C10orf71: variants seen among roughly 807,000 people sequenced by gnomAD.
C10orf71 encodes the protein chromosome 10 open reading frame 71.
For missense variants in C10orf71, 1,869 were observed against 1,804.5 expected (o/e 1.04, Z -0.65); for synonymous variants, 758 against 726.3 (o/e 1.04, Z -0.70).
At position 49,322,497 on chromosome 10, in the gene C10orf71, A is replaced by G; in HGVS notation, c.-49A>G. ...AACACCTAACCTTGACAGAATCATC[A>G]CCAGAGACACCTGCCGGCTGACAAG... On this transcript the variant is annotated 5_prime_UTR_variant, in exon 3 of 3. Coordinates refer to ENST00000374144, the MANE Select transcript of C10orf71 (RefSeq NM_001135196.2). The G allele has an allele frequency of 6.6e-7, 1 of 1,526,252 alleles. No homozygotes were observed. The highest frequency in any genetic ancestry group is 1.3e-5 in the South Asian group (1 of 76,734). The allele number at this position is 1,526,252 out of a possible 1,614,324, so 94.5% of individuals were successfully genotyped here. A position where few individuals can be genotyped will look rare whatever the true frequency, so the allele number is the denominator to read the frequency against.
chr10:49,319,682 CTATATATATATATATATATA>C lies in C10orf71; in HGVS notation c.-144-2687_-144-2668del, dbSNP rs60174377. ...GTATATATATGTACACACACACAAG[CTATATATATATATATATATA>C]TATATATATATATATATATATATAT... On this transcript the variant is annotated intron_variant, in intron 2 of 2. Transcript: ENST00000374144. Among the ~76,000 whole-genome samples, 144 of 117,796 alleles carry C rather than the reference CTATATATATATATATATATA, an allele frequency of 1.2e-3. 1 individual carries two copies. The highest frequency in any genetic ancestry group is 3.6e-3 in the African/African-American group (98 of 27,320). 77.3% of individuals were successfully genotyped at this position (117,796 alleles called of 152,430 possible). A position where few individuals can be genotyped will look rare whatever the true frequency, so the allele number is the denominator to read the frequency against.
At chr10:49,309,928 T>A (rs995929768) in intron 1 of C10orf71, among the ~76,000 whole-genome samples, 2 of 152,206 alleles carry the variant, frequency 1.3e-5, no homozygotes, top group African/African-American at 4.8e-5. Context: ...CTGTTTCCCC[T>A]TCTCTAAGAA....
rs1478164835 is a variant in C10orf71, at chr10:49,324,520, G to C, written c.1975G>C (p.Ala659Pro). The change falls in exon 3 of 3, where the codon GCT becomes CCT. Residue 659 changes from alanine (A) to proline (P), a missense_variant. Physicochemically the swap from Ala to Pro is conservative, Grantham distance 27. Coordinates refer to ENST00000374144, the MANE Select transcript of C10orf71 (RefSeq NM_001135196.2). Reference sequence around the variant, plus strand: ...CAATAGGGATCCTGAGCCTGGAGGGGCTACAGAGAAAATGAAGACCCACCA... The same window carrying C: ...CAATAGGGATCCTGAGCCTGGAGGGCCTACAGAGAAAATGAAGACCCACCA... ...LCNRDPEPGG[A>P]TEKMKTHQLE... 6.2e-7 allele frequency: 1 copy of C among 1,612,774 alleles called. No individual in the cohort carries two copies. Among genetic ancestry groups the C allele is most frequent in the Non-Finnish European group, 8.5e-7 (1 of 1,179,306 alleles).
In C10orf71 at chr10:49,324,021, C is replaced by A. The variant is rs1849158905; in HGVS notation, c.1476C>A (p.Tyr492Ter). The A allele has an allele frequency of 6.2e-7, 1 of 1,613,504 alleles. No homozygotes were observed. Among genetic ancestry groups the A allele is most frequent in the Non-Finnish European group, 8.5e-7 (1 of 1,179,696 alleles). The change falls in exon 3 of 3, where the codon TAC becomes TAA. Residue 492 changes from tyrosine to a stop codon, truncating the protein, a stop_gained. Coordinates refer to ENST00000374144, the MANE Select transcript of C10orf71 (RefSeq NM_001135196.2). LOFTEE classifies it low-confidence loss of function (END_TRUNC). ...EPSECQSRDS[Y>*]KSKAPSLLFN... ...GTGAATGTCAGTCTCGAGACAGCTA[C>A]AAGTCCAAAGCCCCTAGCCTGCTGT...
At position 49,326,208 on chromosome 10, in the gene C10orf71, G is replaced by T. The variant is rs187004376; in HGVS notation, c.3663G>T (p.Pro1221=). 2.6e-6 allele frequency: 4 copies of T among 1,551,250 alleles called. No individual in the cohort carries two copies. Among genetic ancestry groups the T allele is most frequent in the African/African-American group, 2.7e-5 (2 of 73,156 alleles). Residue 1221 remains proline, a synonymous_variant, in exon 3 of 3, where the codon CCG becomes CCT. Coordinates refer to ENST00000374144, the MANE Select transcript of C10orf71 (RefSeq NM_001135196.2). ...ACTTGGAGCAGACACAGCAAAGGCC[G>T]CTGTGCCCCAGAGAGAGGCCCCGAC... ...PEDLEQTQQR[P]LCPRERPRHN...
intron 1 of C10orf71, among the ~76,000 whole-genome samples, chr10:49,301,283 A>C (rs1256015621): frequency 1.3e-5 from 2 of 152,164 alleles, no homozygotes; most frequent in Non-Finnish European, 2.9e-5. Context: ...GCTGGAGTGG[A>C]TTTTGGTTTT....
intron 1 of C10orf71, among the ~76,000 whole-genome samples, chr10:49,310,309 T>C (rs1005059243): frequency 2.6e-5 from 4 of 152,126 alleles, no homozygotes; most frequent in Admixed American, 6.6e-5. Context: ...AAACCCTCGT[T>C]TTCTCCCCCA....
chr10:49,312,680 G>T (rs1042834984), intron 1 of C10orf71, among the ~76,000 whole-genome samples: 2 of 152,124 alleles, frequency 1.3e-5, no homozygotes, highest in Admixed American at 6.5e-5. Context: ...TGACAGAAAC[G>T]CAATCCAGAC....
In C10orf71 at chr10:49,326,908, C is replaced by T; in HGVS notation, c.*55C>T. ...TGAACCCAGAGGAGCTTACTTCCCC[C>T]TCCCCCAAAACAAGCAACACACACA... On this transcript the variant is annotated 3_prime_UTR_variant, in exon 3 of 3. Coordinates refer to ENST00000374144, the MANE Select transcript of C10orf71 (RefSeq NM_001135196.2). 1 of 1,357,168 alleles carries T rather than the reference C, an allele frequency of 7.4e-7. No individual in the cohort carries two copies. The highest frequency in any genetic ancestry group is 2.2e-4 in the Middle Eastern group (1 of 4,566). 84.1% of individuals were successfully genotyped at this position (1,357,168 alleles called of 1,614,324 possible). A position where few individuals can be genotyped will look rare whatever the true frequency, so the allele number is the denominator to read the frequency against.
upstream of C10orf71, chr10:49,298,817 T>A (rs1328631640): frequency 6.6e-6 from 1 of 152,180 alleles, no homozygotes; most frequent in African/African-American, 2.4e-5. Flanking sequence ...ACTCGAGGAA[T>A]GCGGGCGGCG....
At chr10:49,319,682 CTATA>C (rs60174377) in intron 2 of C10orf71, among the ~76,000 whole-genome samples, 2,268 of 116,740 alleles carry the variant, frequency 0.019, 27 homozygotes, top group Non-Finnish European at 0.023. Flanking sequence ...CACACACAAG[CTATA>C]TATATATATA....
chr10:49,320,917 C>T lies in C10orf71; in HGVS notation c.-144-1485C>T, dbSNP rs1025140944. Reference sequence around the variant, plus strand: ...ATTTTATTGAGGTATGATTGGCATACAAAAAGCCACACATATTTAATGTGT... The same window carrying T: ...ATTTTATTGAGGTATGATTGGCATATAAAAAGCCACACATATTTAATGTGT... On this transcript the variant is annotated intron_variant, in intron 2 of 2. Transcript: ENST00000374144. 3.3e-5 allele frequency among the ~76,000 whole-genome samples: 5 copies of T among 152,018 alleles called. No individual in the cohort carries two copies. In the East Asian group the frequency reaches 7.7e-4, roughly 23 times the overall value.
At position 49,325,203 on chromosome 10, in the gene C10orf71, C is replaced by T; in HGVS notation, c.2658C>T (p.Ser886=). The change falls in exon 3 of 3, where the codon AGC becomes AGT. Residue 886 remains serine, a synonymous_variant. Transcript: ENST00000374144. ...LRTMSLEDSL[S]SGHKEEELPR... ...CCATGTCCTTGGAGGACTCCCTCAGCAGTGGCCACAAAGAGGAGGAATTGC... is the reference window on the plus strand; with the variant it reads ...CCATGTCCTTGGAGGACTCCCTCAGTAGTGGCCACAAAGAGGAGGAATTGC... 1 of 1,552,038 alleles carries T rather than the reference C, an allele frequency of 6.4e-7. No homozygotes were observed. Among genetic ancestry groups the T allele is most frequent in the Non-Finnish European group, 8.7e-7 (1 of 1,147,070 alleles).
At chr10:49,318,666 A>G (rs889673556) in intron 2 of C10orf71, among the ~76,000 whole-genome samples, 2 of 152,216 alleles carry the variant, frequency 1.3e-5, no homozygotes, top group East Asian at 1.9e-4. Context: ...ACAGACCCCA[A>G]TGAAGCCTGG....
rs776134689 is a variant in C10orf71, at chr10:49,324,468, C to T, written c.1923C>T (p.Pro641=). 6.2e-7 allele frequency: 1 copy of T among 1,607,622 alleles called. No individual in the cohort carries two copies. The highest frequency in any genetic ancestry group is 2.2e-5 in the East Asian group (1 of 44,690). ...GTCCAGACTCCAGGGAACACCGCCC[C>T]AGGAAACACCTCTCCCTGAGGCTTT... The part of the protein sequence containing the change: ...SWCPDSREHR[P]RKHLSLRLCN... The change falls in exon 3 of 3, where the codon CCC becomes CCT. Residue 641 remains proline, a synonymous_variant. Transcript: ENST00000374144.
chr10:49,322,354 T>G, intron 2 of C10orf71, 48 bp from the exon 3 acceptor site: 2 of 599,280 alleles, frequency 3.3e-6, no homozygotes, highest in South Asian at 4.5e-5. Flanking sequence ...CATATTCTTG[T>G]GTAGAGCTGT....
intron 2 of C10orf71, among the ~76,000 whole-genome samples, chr10:49,320,337 C>A (rs1449880651): frequency 6.6e-6 from 1 of 152,152 alleles, no homozygotes; most frequent in African/African-American, 2.4e-5. Flanking sequence ...CTGGCTCCCC[C>A]TCCCACCAGG....
chr10:49,326,541 T>A lies in C10orf71; in HGVS notation c.3996T>A (p.Tyr1332Ter). ...PPPPDALAAP[Y>*]VLYPGFQPVP... ...CACCGGACGCCCTGGCCGCTCCCTA[T>A]GTGCTGTACCCCGGCTTCCAGCCAG... The change falls in exon 3 of 3, where the codon TAT becomes TAA. Residue 1332 changes from tyrosine (Y) to a stop codon, truncating the protein, a stop_gained. Transcript: ENST00000374144. LOFTEE classifies it low-confidence loss of function (END_TRUNC). 6.4e-7 allele frequency: 1 copy of A among 1,550,634 alleles called. No individual in the cohort carries two copies. The highest frequency in any genetic ancestry group is 1.2e-5 in the South Asian group (1 of 84,056).
At position 49,323,763 on chromosome 10, in the gene C10orf71, G is replaced by A. The variant is rs1309105507; in HGVS notation, c.1218G>A (p.Gln406=). 1 of 1,614,008 alleles carries A rather than the reference G, an allele frequency of 6.2e-7. No individual in the cohort carries two copies. Among genetic ancestry groups the A allele is most frequent in the Middle Eastern group, 1.6e-4 (1 of 6,062 alleles). The part of the protein sequence containing the change: ...DTLEEKTQTN[Q]RGPPLYTKHN... Reference sequence around the variant, plus strand: ...TAGAAGAAAAGACACAGACCAACCAGAGAGGCCCACCTTTGTATACAAAAC... The same window carrying A: ...TAGAAGAAAAGACACAGACCAACCAAAGAGGCCCACCTTTGTATACAAAAC... The change falls in exon 3 of 3, where the codon CAG becomes CAA. Residue 406 remains glutamine (Q), a synonymous_variant. Transcript: ENST00000374144.
Sources: gnomAD v4.1 joint callset for allele counts (sites outside exome capture counted in the v4.1 genomes callset) on GRCh38, gnomAD v4.1.1 for gene constraint, MANE v1.5 for transcripts, NCBI Gene and HGNC (gene_info 2026-07-23, HGNC 2026-07-21) for gene names.